The following LYN variants were observed in gnomAD, a reference collection of about 807,000 sequenced individuals.
LYN encodes the protein tyrosine-protein kinase Lyn.
Under a neutral mutation model 65.0 loss-of-function variants are expected in LYN, and 12 were observed. The ratio of observed to expected loss-of-function variants is 0.18; its 90% CI spans 0.12 to 0.30. The LOEUF is 0.30. LYN is among the 10% of genes least tolerant of loss of function. The pLI is 1.00. For missense variants in LYN, 380 were observed against 623.2 expected (o/e 0.61, Z 4.16); for synonymous variants, 222 against 221.2 (o/e 1.00, Z -0.03).
At chr8:55,977,126 A>C (rs1807778732) in intron 10 of LYN, among the ~76,000 whole-genome samples, 1 of 152,182 alleles carries the variant, frequency 6.6e-6, no homozygotes. Context: ...CGGAGATTGC[A>C]GTGAGCCAAG....
intron 10 of LYN, among the ~76,000 whole-genome samples, chr8:55,976,326 CAAA>C (rs35717306): frequency 1.2e-5 from 1 of 85,636 alleles, no homozygotes. Flanking sequence ...GACTCCATCT[CAAA>C]AAAAAAAAAA....
At chr8:55,989,356 A>C (rs1479312154) in intron 10 of LYN, among the ~76,000 whole-genome samples, 2 of 152,186 alleles carry the variant, frequency 1.3e-5, no homozygotes, top group Non-Finnish European at 2.9e-5. Context: ...CGCATAAAAG[A>C]AGTCCATCTG....
chr8:55,908,681 G>A (rs1805499276), intron 1 of LYN, among the ~76,000 whole-genome samples: 1 of 151,870 alleles, frequency 6.6e-6, no homozygotes, highest in Admixed American at 6.6e-5. Flanking sequence ...GGCTTTTAGT[G>A]TAACCATCAT....
intron 1 of LYN, among the ~76,000 whole-genome samples, chr8:55,918,411 G>C (rs1391985177): frequency 2.0e-5 from 3 of 152,224 alleles, no homozygotes; most frequent in African/African-American, 7.2e-5. Context: ...ACTGGTCTGG[G>C]CTATGGAGCC....
At chr8:56,009,870 G>T (rs771885544) in intron 12 of LYN, 38 bp from the exon 13 acceptor site, 2 of 1,571,844 alleles carry the variant, frequency 1.3e-6, no homozygotes, top group African/African-American at 1.4e-5. Flanking sequence ...TTTCTAAACG[G>T]CATGGGTTTC....
chr8:55,884,252 G>A (rs1251213930), intron 1 of LYN, among the ~76,000 whole-genome samples: 1 of 152,034 alleles, frequency 6.6e-6, no homozygotes, highest in Non-Finnish European at 1.5e-5. Flanking sequence ...TTACAAGCAT[G>A]TGCCACCACA....
chr8:55,939,351 G>A (rs1471406367), intron 1 of LYN, among the ~76,000 whole-genome samples: 5 of 152,184 alleles, frequency 3.3e-5, no homozygotes, highest in Non-Finnish European at 7.3e-5. Context: ...GACAATGGTG[G>A]AAAGAAATTA....
intron 1 of LYN, among the ~76,000 whole-genome samples, chr8:55,887,575 TACACACACACACACAC>T (rs372547745): frequency 1.1e-5 from 1 of 93,436 alleles, no homozygotes; most frequent in African/African-American, 3.9e-5. Flanking sequence ...TATATATATA[TACACACACACACACAC>T]ACACACACAC....
At chr8:55,980,335 C>G (rs1807883802) in intron 10 of LYN, 1 of 152,202 alleles carries the variant, frequency 6.6e-6, no homozygotes, top group Non-Finnish European at 1.5e-5. Flanking sequence ...TTGAGCTGCT[C>G]CGCTTCTGAC....
At chr8:55,883,887 GA>G (rs1352420550) in intron 1 of LYN, among the ~76,000 whole-genome samples, 1 of 152,012 alleles carries the variant, frequency 6.6e-6, no homozygotes, top group Non-Finnish European at 1.5e-5. Flanking sequence ...CAGAAATACT[GA>G]AAGATTTCTT....
At position 55,947,638 on chromosome 8, in the gene LYN, A is replaced by T; in HGVS notation, c.199A>T (p.Ile67Phe). ...QTKDPEEQGD[I>F]VVALYPYDGI... ...TTTAGATCCAGAGGAACAAGGAGAC[A>T]TTGTGGTAGCCTTGTACCCCTATGA... is the stretch of plus-strand genomic sequence containing the variant. The change falls in exon 4 of 13, where the codon ATT becomes TTT. Residue 67 changes from isoleucine (I) to phenylalanine (F), a missense_variant. By Grantham distance (21) the Ile-to-Phe change is conservative. Transcript: ENST00000519728. The T allele has an allele frequency of 6.2e-7, 1 of 1,613,258 alleles. No individual in the cohort carries two copies. Among genetic ancestry groups the T allele is most frequent in the Non-Finnish European group, 8.5e-7 (1 of 1,179,198 alleles).
At chr8:55,960,036 G>T (rs968214517) in intron 8 of LYN, among the ~76,000 whole-genome samples, 2 of 152,200 alleles carry the variant, frequency 1.3e-5, no homozygotes, top group South Asian at 4.1e-4. Context: ...AGGAGTGACT[G>T]CTAATGAGCA....
chr8:55,994,634 A>C (rs1237989614), intron 10 of LYN, among the ~76,000 whole-genome samples: 1 of 152,050 alleles, frequency 6.6e-6, no homozygotes, highest in African/African-American at 2.4e-5. Context: ...CAGCGTTGGG[A>C]GAGGGGCAGC....
At chr8:56,003,527 G>A (rs1417438823) in intron 12 of LYN, among the ~76,000 whole-genome samples, 3 of 152,052 alleles carry the variant, frequency 2.0e-5, no homozygotes, top group Non-Finnish European at 1.5e-5. Flanking sequence ...AATTAGCCCG[G>A]CGTGGTGGCC....
At chr8:55,934,126 T>G (rs1365141773) in intron 1 of LYN, among the ~76,000 whole-genome samples, 1 of 152,138 alleles carries the variant, frequency 6.6e-6, no homozygotes, top group Admixed American at 6.5e-5. Flanking sequence ...CTCAGGAGGC[T>G]GAGGCAGGAG....
At position 56,013,963 on chromosome 8, in the gene LYN, T is replaced by C. The variant is rs1394651083; in HGVS notation, c.*3853T>C. On this transcript the variant is annotated 3_prime_UTR_variant, in exon 13 of 13. Coordinates refer to ENST00000519728, the MANE Select transcript of LYN (RefSeq NM_002350.4). Reference sequence around the variant, plus strand: ...AATGGTAATTATAAACATACAAAGATACCCATACACACATTCTTTACTCAG... The same window carrying C: ...AATGGTAATTATAAACATACAAAGACACCCATACACACATTCTTTACTCAG... The C allele has an allele frequency of 1.3e-5, 2 of 152,226 alleles. No individual in the cohort carries two copies. The highest frequency in any genetic ancestry group is 4.8e-5 in the African/African-American group (2 of 41,464). 9.4% of individuals were successfully genotyped at this position (152,226 alleles called of 1,614,324 possible).
Position 56,011,790 on chromosome 8 carries a change from T to G in LYN, c.*1680T>G, listed in dbSNP as rs2719235. ...GATTCACAAGTGCCATGTTCAGAACTATAGAATATTACTGTTACATAATGT... is the reference window on the plus strand; with the variant it reads ...GATTCACAAGTGCCATGTTCAGAACGATAGAATATTACTGTTACATAATGT... On this transcript the variant is annotated 3_prime_UTR_variant, in exon 13 of 13. Transcript: ENST00000519728. 0.29 allele frequency: 52,271 copies of G among 182,470 alleles called. 8,640 individuals are homozygous for G. The highest frequency in any genetic ancestry group is 0.46 in the African/African-American group (19,427 of 42,416). 11.3% of individuals were successfully genotyped at this position (182,470 alleles called of 1,614,324 possible). A position where few individuals can be genotyped will look rare whatever the true frequency, so the allele number is the denominator to read the frequency against.
At chr8:55,962,814 T>C (rs1807325944) in intron 8 of LYN, among the ~76,000 whole-genome samples, 1 of 152,220 alleles carries the variant, frequency 6.6e-6, no homozygotes, top group Non-Finnish European at 1.5e-5. Context: ...CTTCAGATTT[T>C]ATAAGAAGCA....
chr8:55,887,612 A>G (rs921700226), intron 1 of LYN, among the ~76,000 whole-genome samples: 5 of 126,460 alleles, frequency 4.0e-5, no homozygotes, highest in Admixed American at 8.7e-5. Context: ...ACATATATAT[A>G]TATTTTTTTT....
Sources: allele counts gnomAD v4.1 joint callset (sites outside exome capture counted in the v4.1 genomes callset), GRCh38; gene constraint gnomAD v4.1.1; transcripts MANE v1.5; gene names NCBI Gene and HGNC (gene_info 2026-07-23, HGNC 2026-07-21).